Variants in GPHN observed in about 807,000 individuals in gnomAD.
GPHN encodes gephyrin.
A neutral mutation model predicts 95.5 loss-of-function variants in GPHN; 17 were observed. That is an observed-to-expected ratio of 0.18 (90% CI 0.12 to 0.27). The LOEUF is 0.27. Ranked by LOEUF, GPHN falls within the 10% of genes least tolerant of loss-of-function variation. The pLI, the probability that GPHN is intolerant of heterozygous loss-of-function variation, is 1.00. For missense variants in GPHN, 660 were observed against 978.1 expected (o/e 0.67, Z 4.34); for synonymous variants, 320 against 322.5 (o/e 0.99, Z 0.08).
At chr14:66,797,604 G>T (rs1229990499) in intron 3 of GPHN, among the ~76,000 whole-genome samples, 1 of 151,674 alleles carries the variant, frequency 6.6e-6, no homozygotes, top group East Asian at 1.9e-4. Flanking sequence ...TGTAAATGGG[G>T]TTATTTTTAT....
intron 21 of GPHN, among the ~76,000 whole-genome samples, chr14:67,171,275 A>G (rs1335346697): frequency 6.6e-6 from 1 of 152,196 alleles, no homozygotes. Context: ...TCATTTTAGA[A>G]CAAACATTTC....
chr14:67,051,657 C>A (rs1281153751), intron 10 of GPHN, among the ~76,000 whole-genome samples: 1 of 152,116 alleles, frequency 6.6e-6, no homozygotes, highest in Admixed American at 6.5e-5. Flanking sequence ...GACACATAAT[C>A]ATCAGATTCT....
the GPHN span, among the ~76,000 whole-genome samples, chr14:67,661,824 G>A: frequency 2.0e-5 from 3 of 152,056 alleles, no homozygotes; most frequent in Admixed American, 6.6e-5. Flanking sequence ...GTGAGCCACC[G>A]CACTGACCAG....
chr14:67,279,338 G>A, the GPHN span: 5 of 1,613,782 alleles, frequency 3.1e-6, no homozygotes, highest in Non-Finnish European at 4.2e-6. Flanking sequence ...GTGCACAGTT[G>A]GAGCGTATTC....
At chr14:66,538,300 C>T (rs1253282321) in intron 1 of GPHN, among the ~76,000 whole-genome samples, 8 of 150,958 alleles carry the variant, frequency 5.3e-5, no homozygotes, top group Non-Finnish European at 8.9e-5. Flanking sequence ...TTGCATTTAT[C>T]ATGTTTGGGG....
At chr14:67,525,593 T>C in the GPHN span, among the ~76,000 whole-genome samples, 1 of 152,216 alleles carries the variant, frequency 6.6e-6, no homozygotes, top group African/African-American at 2.4e-5. Context: ...CAACATGCCA[T>C]GTCAGCGAAA....
chr14:67,205,198 A>T, the GPHN span: 1 of 1,121,888 alleles, frequency 8.9e-7, no homozygotes, highest in East Asian at 2.6e-5. Flanking sequence ...TATGGAACCT[A>T]CCTACTCCGA....
chr14:66,528,406 C>T (rs1566548800), intron 1 of GPHN, among the ~76,000 whole-genome samples: 1 of 152,096 alleles, frequency 6.6e-6, no homozygotes, highest in Non-Finnish European at 1.5e-5. Context: ...TGGGTCTTGA[C>T]TCTTTATCCA....
At chr14:66,793,504 T>A (rs972163598) in intron 3 of GPHN, among the ~76,000 whole-genome samples, 4 of 152,298 alleles carry the variant, frequency 2.6e-5, no homozygotes, top group Non-Finnish European at 4.4e-5. Flanking sequence ...TTAATAGACA[T>A]AAATTATATA....
At chr14:67,325,935 A>G in the GPHN span, among the ~76,000 whole-genome samples, 3 of 147,292 alleles carry the variant, frequency 2.0e-5, no homozygotes, top group Non-Finnish European at 4.5e-5. Context: ...CAGCCTCCCG[A>G]GTAGCTGGGA....
the GPHN span, chr14:67,347,502 CTTTT>C: frequency 1.1e-5 from 12 of 1,112,560 alleles, no homozygotes; most frequent in South Asian, 3.0e-5. Flanking sequence ...TAAGTTCTCT[CTTTT>C]TTTTTTTTTT....
At chr14:67,395,209 C>T in the GPHN span, among the ~76,000 whole-genome samples, 1 of 152,044 alleles carries the variant, frequency 6.6e-6, no homozygotes, top group Non-Finnish European at 1.5e-5. Context: ...AGGAATGGGG[C>T]AGGTAGGTAG....
intron 5 of GPHN, among the ~76,000 whole-genome samples, chr14:66,904,791 A>G (rs908932020): frequency 1.3e-4 from 20 of 152,078 alleles, no homozygotes; most frequent in African/African-American, 4.6e-4. Flanking sequence ...TCCTCGGTAG[A>G]AGTTGTTCAT....
chr14:67,715,214 T>TAA, the GPHN span: 130,715 of 149,826 alleles, frequency 0.87, 57,166 homozygotes, highest in South Asian at 0.92. Context: ...TAATAGCCGT[T>TAA]AAAAAATAAA....
chr14:67,017,312 GAAGT>G (rs1258846950), intron 9 of GPHN, among the ~76,000 whole-genome samples: 1 of 152,124 alleles, frequency 6.6e-6, no homozygotes, highest in Non-Finnish European at 1.5e-5. Flanking sequence ...TTGTGTTTAA[GAAGT>G]AAGAAGAGAA....
chr14:67,279,103 G>C, the GPHN span: 1 of 1,375,434 alleles, frequency 7.3e-7, no homozygotes, highest in South Asian at 1.7e-5. Context: ...TTATACTACA[G>C]AATCAAGAGA....
chr14:67,403,391 T>A, the GPHN span, among the ~76,000 whole-genome samples: 2 of 152,238 alleles, frequency 1.3e-5, no homozygotes, highest in Non-Finnish European at 2.9e-5. Flanking sequence ...GAGTCAGCAG[T>A]GATGCTTCTA....
the GPHN span, chr14:67,395,283 C>T: frequency 1.3e-5 from 11 of 819,864 alleles, no homozygotes; most frequent in East Asian, 5.0e-5. Context: ...CCTGAAGCAC[C>T]GTGGTGGCAC....
rs2061816722 is a variant in GPHN at position 66,836,428 on chromosome 14, A to C, written c.294+11862A>C. 2.8e-5 allele frequency among the ~76,000 whole-genome samples: 4 copies of C among 144,898 alleles called. No individual in the cohort carries two copies. In the South Asian group the frequency reaches 9.0e-4, roughly 33 times the overall value. ...AAACTGGATCCCTTCCTTACACCTTATACAAAAATCAATTCAAGATGGATT... is the reference window on the plus strand; with the variant it reads ...AAACTGGATCCCTTCCTTACACCTTCTACAAAAATCAATTCAAGATGGATT... On this transcript the variant is annotated intron_variant, in intron 4 of 22. Transcript: ENST00000478722.
Sources: allele counts gnomAD v4.1 joint callset (sites outside exome capture counted in the v4.1 genomes callset), GRCh38; gene constraint gnomAD v4.1.1; transcripts MANE v1.5; gene names NCBI Gene and HGNC (gene_info 2026-07-23, HGNC 2026-07-21).